The following SLC4A4 variants were observed in gnomAD, a reference collection of about 807,000 sequenced individuals.
SLC4A4 encodes electrogenic sodium bicarbonate cotransporter 1.
Under a neutral mutation model 111.5 loss-of-function variants are expected in SLC4A4, and 27 were observed. That is an observed-to-expected ratio of 0.24 (90% CI 0.18 to 0.33). The LOEUF is 0.33. SLC4A4 is among the 10% of genes least tolerant of loss of function. SLC4A4 has a pLI of 1.00. For missense variants in SLC4A4, 909 were observed against 1,315.5 expected, an observed-to-expected ratio of 0.69 and a Z score of 4.78; for synonymous variants, 443 against 463.4, an observed-to-expected ratio of 0.96 and a Z score of 0.57.
At chr4:71,471,351 T>C (rs1015710181) in intron 13 of SLC4A4, among the ~76,000 whole-genome samples, 23 of 152,016 alleles carry the variant, frequency 1.5e-4, no homozygotes, top group South Asian at 6.2e-4. Context: ...AGGGATAATT[T>C]TGGCTGTGGT....
At chr4:71,405,294 C>T (rs558074091) in intron 7 of SLC4A4, among the ~76,000 whole-genome samples, 3 of 152,094 alleles carry the variant, frequency 2.0e-5, no homozygotes, top group Non-Finnish European at 4.4e-5. Context: ...CTGCCATTAG[C>T]AGCTTGATGT....
intron 1 of SLC4A4, among the ~76,000 whole-genome samples, chr4:71,205,806 C>T (rs535895919): frequency 1.3e-5 from 2 of 152,280 alleles, no homozygotes; most frequent in East Asian, 1.9e-4. Flanking sequence ...TGCAATGATG[C>T]AGTCAAAACC....
intron 1 of SLC4A4, chr4:71,236,128 G>A: frequency 9.6e-7 from 1 of 1,042,546 alleles, no homozygotes; most frequent in Non-Finnish European, 1.2e-6. Flanking sequence ...TGTGTGTGAG[G>A]GTATACATTT....
intron 2 of SLC4A4, among the ~76,000 whole-genome samples, chr4:71,177,374 A>C (rs1285898246): frequency 1.3e-5 from 2 of 152,224 alleles, no homozygotes; most frequent in African/African-American, 4.8e-5. Flanking sequence ...ATTAAAAGAC[A>C]CAGACTGGCA....
intron 18 of SLC4A4, among the ~76,000 whole-genome samples, chr4:71,545,848 G>A (rs1323503127): frequency 6.6e-6 from 1 of 152,000 alleles, no homozygotes; most frequent in Non-Finnish European, 1.5e-5. Context: ...AAGGCAGGGT[G>A]CCTGCTTTCA....
chr4:71,417,782 T>C (rs1463801652), intron 7 of SLC4A4, among the ~76,000 whole-genome samples: 1 of 152,188 alleles, frequency 6.6e-6, no homozygotes, highest in Non-Finnish European at 1.5e-5. Context: ...TATAAAAGGC[T>C]CTGGTATTTC....
At chr4:71,433,257 C>A (rs1723809290) in intron 7 of SLC4A4, among the ~76,000 whole-genome samples, 1 of 151,496 alleles carries the variant, frequency 6.6e-6, no homozygotes, top group South Asian at 2.1e-4. Flanking sequence ...CTCCCAATCA[C>A]CCCCATTAGT....
intron 5 of SLC4A4, among the ~76,000 whole-genome samples, chr4:71,353,466 T>C (rs1468856878): frequency 6.6e-6 from 1 of 152,130 alleles, no homozygotes; most frequent in African/African-American, 2.4e-5. Flanking sequence ...AGAGTGTCAC[T>C]AGCTAAAAAA....
At chr4:71,088,578 G>GA (rs1553949238) in intron 1 of SLC4A4, among the ~76,000 whole-genome samples, 1 of 151,960 alleles carries the variant, frequency 6.6e-6, no homozygotes, top group Non-Finnish European at 1.5e-5. Flanking sequence ...CTTCCTTCAG[G>GA]AGCTCTTTTT....
intron 16 of SLC4A4, among the ~76,000 whole-genome samples, chr4:71,523,836 T>TAG (rs1161954577): frequency 6.6e-6 from 1 of 152,154 alleles, no homozygotes; most frequent in Non-Finnish European, 1.5e-5. Context: ...TTATTTGAGT[T>TAG]TTATCTAAGA....
chr4:71,247,221 A>G (rs1469620193), intron 2 of SLC4A4, among the ~76,000 whole-genome samples: 2 of 148,106 alleles, frequency 1.4e-5, no homozygotes, highest in Non-Finnish European at 3.0e-5. Context: ...AAATATTTAC[A>G]TCAATATTTT....
chr4:71,102,914 A>G (rs1212273494), intron 2 of SLC4A4, among the ~76,000 whole-genome samples: 5 of 151,778 alleles, frequency 3.3e-5, no homozygotes, highest in African/African-American at 4.8e-5. Context: ...CAATTCACAC[A>G]TAACAATATT....
At chr4:71,336,943 C>A (rs1202826646) in intron 3 of SLC4A4, among the ~76,000 whole-genome samples, 1 of 152,154 alleles carries the variant, frequency 6.6e-6, no homozygotes, top group South Asian at 2.1e-4. Context: ...TTCTTGTTGT[C>A]CAGTTCTGTC....
chr4:71,275,128 G>A (rs1427521487), intron 3 of SLC4A4, among the ~76,000 whole-genome samples: 1 of 152,070 alleles, frequency 6.6e-6, no homozygotes, highest in Non-Finnish European at 1.5e-5. Flanking sequence ...TTCTTTCACT[G>A]CCACAGCAGG....
At chr4:71,455,941 C>T (rs1035738155) in intron 12 of SLC4A4, among the ~76,000 whole-genome samples, 3 of 152,058 alleles carry the variant, frequency 2.0e-5, no homozygotes, top group Non-Finnish European at 4.4e-5. Context: ...TATTTTTCTC[C>T]TATGTGATAT....
chr4:71,544,008 A>C, intron 18 of SLC4A4, among the ~76,000 whole-genome samples: 1 of 152,060 alleles, frequency 6.6e-6, no homozygotes, highest in South Asian at 2.1e-4. Context: ...GCTGTGCATC[A>C]TGCACTCTGC....
chr4:71,448,319 C>CAAAAA (rs5859260), intron 9 of SLC4A4, among the ~76,000 whole-genome samples: 1 of 89,634 alleles, frequency 1.1e-5, no homozygotes, highest in Non-Finnish European at 2.4e-5. Flanking sequence ...GATTCCATCT[C>CAAAAA]AAAAAAAAAA....
intron 1 of SLC4A4, among the ~76,000 whole-genome samples, chr4:71,073,724 T>G (rs890111937): frequency 1.3e-5 from 2 of 152,112 alleles, no homozygotes; most frequent in African/African-American, 4.8e-5. Flanking sequence ...CTCCAGCACC[T>G]AGAACAGTAC....
intron 1 of SLC4A4, among the ~76,000 whole-genome samples, chr4:71,091,253 AT>A (rs3065802): frequency 0.64 from 79,865 of 125,276 alleles, 24,650 homozygotes; most frequent in East Asian, 0.74. Context: ...TGGCCTTGAA[AT>A]TTTTTTTTTT....
Sources: allele counts gnomAD v4.1 joint callset (sites outside exome capture counted in the v4.1 genomes callset), GRCh38; gene constraint gnomAD v4.1.1; transcripts MANE v1.5; gene names NCBI Gene and HGNC (gene_info 2026-07-23, HGNC 2026-07-21).